KCND2: variants seen among roughly 807,000 people sequenced by gnomAD.
KCND2 encodes A-type voltage-gated potassium channel KCND2.
A neutral mutation model predicts 54.4 loss-of-function variants in KCND2; 16 were observed. The observed-to-expected ratio is 0.29, with a 90% CI of 0.20 to 0.45. The LOEUF is 0.45. Among genes scored for constraint, KCND2 ranks in the 20% least tolerant of loss-of-function variants. The pLI, the probability that KCND2 is intolerant of heterozygous loss-of-function variation, is 1.00. For missense variants in KCND2, 486 were observed against 824.2 expected (o/e 0.59, Z 5.02); for synonymous variants, 317 against 310.7 (o/e 1.02, Z -0.21).
intron 1 of KCND2, among the ~76,000 whole-genome samples, chr7:120,721,379 A>G (rs539205748): frequency 6.6e-6 from 1 of 152,338 alleles, no homozygotes; most frequent in East Asian, 1.9e-4. Context: ...TCCTAAGAAG[A>G]GGCAAAATAA....
At chr7:120,669,630 G>A (rs1791967389) in intron 1 of KCND2, among the ~76,000 whole-genome samples, 2 of 152,082 alleles carry the variant, frequency 1.3e-5, no homozygotes, top group Non-Finnish European at 2.9e-5. Context: ...AATGATTTCC[G>A]AAACCCTGAG....
chr7:120,568,702 T>TA (rs1193738397), intron 1 of KCND2, among the ~76,000 whole-genome samples: 4 of 152,164 alleles, frequency 2.6e-5, no homozygotes, highest in Non-Finnish European at 5.9e-5. Context: ...TTCCCTTTAG[T>TA]AAATTGCTAA....
chr7:120,390,968 G>C (rs1326481645), intron 1 of KCND2, among the ~76,000 whole-genome samples: 2 of 152,012 alleles, frequency 1.3e-5, no homozygotes, highest in Admixed American at 1.3e-4. Context: ...AGTTACATAG[G>C]TATATATGTG....
chr7:120,406,040 A>G (rs1401600983), intron 1 of KCND2, among the ~76,000 whole-genome samples: 1 of 152,026 alleles, frequency 6.6e-6, no homozygotes, highest in Non-Finnish European at 1.5e-5. Context: ...TGAAGGTGGT[A>G]TAAAGGAACT....
chr7:120,725,098 T>A (rs1792716824), intron 1 of KCND2, among the ~76,000 whole-genome samples: 1 of 152,108 alleles, frequency 6.6e-6, no homozygotes, highest in African/African-American at 2.4e-5. Context: ...AAGAATTTGG[T>A]TTTTTTAAAA....
intron 1 of KCND2, among the ~76,000 whole-genome samples, chr7:120,455,665 G>A (rs1344038739): frequency 6.6e-6 from 1 of 152,120 alleles, no homozygotes. Flanking sequence ...AAAAATGAAT[G>A]AGATCATGTT....
intron 1 of KCND2, among the ~76,000 whole-genome samples, chr7:120,578,704 A>C (rs540991377): frequency 2.0e-5 from 3 of 152,242 alleles, no homozygotes; most frequent in African/African-American, 7.2e-5. Flanking sequence ...TCTCTAATAA[A>C]GATACAAAAA....
intron 1 of KCND2, among the ~76,000 whole-genome samples, chr7:120,298,195 A>G (rs1799537862): frequency 6.6e-6 from 1 of 152,184 alleles, no homozygotes; most frequent in South Asian, 2.1e-4. Context: ...ACTTACACAG[A>G]CATACACATC....
intron 1 of KCND2, among the ~76,000 whole-genome samples, chr7:120,713,918 G>A (rs1792571460): frequency 6.6e-6 from 1 of 152,104 alleles, no homozygotes; most frequent in Non-Finnish European, 1.5e-5. Flanking sequence ...TTCAGATATA[G>A]CAGATACAAA....
intron 1 of KCND2, among the ~76,000 whole-genome samples, chr7:120,693,583 G>A (rs953381339): frequency 6.6e-6 from 1 of 152,080 alleles, no homozygotes; most frequent in South Asian, 2.1e-4. Context: ...GGAGGAAGAG[G>A]GAAAAAGGAA....
chr7:120,728,144 A>G (rs1792758721), intron 1 of KCND2, among the ~76,000 whole-genome samples: 1 of 150,840 alleles, frequency 6.6e-6, no homozygotes, highest in Admixed American at 6.6e-5. Context: ...AAAAAAAAAA[A>G]AAAAGAAAGA....
At chr7:120,741,683 A>T in intron 3 of KCND2, 54 bp downstream of exon 3, 1 of 1,187,316 alleles carries the variant, frequency 8.4e-7, no homozygotes, top group Non-Finnish European at 1.2e-6. Context: ...TTTAATATTG[A>T]TTTAGTTCTA....
At chr7:120,448,624 AAG>A (rs1467630080) in intron 1 of KCND2, among the ~76,000 whole-genome samples, 2 of 152,180 alleles carry the variant, frequency 1.3e-5, no homozygotes, top group African/African-American at 4.8e-5. Flanking sequence ...ATAAAAAAAA[AAG>A]AGAATTTTAG....
At chr7:120,567,891 G>A (rs1255119452) in intron 1 of KCND2, among the ~76,000 whole-genome samples, 1 of 152,022 alleles carries the variant, frequency 6.6e-6, no homozygotes, top group Non-Finnish European at 1.5e-5. Context: ...AACCAGGTAG[G>A]CACACAATTC....
At chr7:120,664,947 A>G (rs1213009352) in intron 1 of KCND2, among the ~76,000 whole-genome samples, 1 of 152,120 alleles carries the variant, frequency 6.6e-6, no homozygotes, top group East Asian at 1.9e-4. Flanking sequence ...TAAAACGTAC[A>G]ACTATCTTCA....
intron 1 of KCND2, among the ~76,000 whole-genome samples, chr7:120,436,105 C>G (rs1801862268): frequency 6.6e-6 from 1 of 152,054 alleles, no homozygotes; most frequent in Admixed American, 6.6e-5. Context: ...GATTTTAAAG[C>G]TTTATTTTTG....
chr7:120,642,193 C>T (rs1027102475), intron 1 of KCND2, among the ~76,000 whole-genome samples: 3 of 152,004 alleles, frequency 2.0e-5, no homozygotes, highest in Non-Finnish European at 4.4e-5. Flanking sequence ...ATCTTAACCT[C>T]AAAGAGGAAT....
chr7:120,400,290 C>T (rs1026849088), intron 1 of KCND2, among the ~76,000 whole-genome samples: 2 of 152,046 alleles, frequency 1.3e-5, no homozygotes, highest in Non-Finnish European at 2.9e-5. Context: ...ACTTTAGGCT[C>T]CTTGGAGAAA....
At chr7:120,335,569 C>T (rs543917052) in intron 1 of KCND2, among the ~76,000 whole-genome samples, 7 of 151,578 alleles carry the variant, frequency 4.6e-5, no homozygotes, top group African/African-American at 1.2e-4. Context: ...TCACTGCAAG[C>T]GCCACCTCCG....
Sources: allele counts gnomAD v4.1 joint callset (sites outside exome capture counted in the v4.1 genomes callset), GRCh38; gene constraint gnomAD v4.1.1; transcripts MANE v1.5; gene names NCBI Gene and HGNC (gene_info 2026-07-23, HGNC 2026-07-21).